Variants in ARHGAP30 observed in about 807,000 individuals in gnomAD.
ARHGAP30 encodes Rho GTPase activating protein 30.
ARHGAP30 carries 23 observed loss-of-function variants against 72.0 expected under a neutral mutation model. The ratio of observed to expected loss-of-function variants is 0.32; its 90% CI spans 0.23 to 0.45. The LOEUF is 0.45. Ranked by LOEUF, ARHGAP30 falls within the 20% of genes least tolerant of loss-of-function variation. ARHGAP30 has a pLI of 1.00. For synonymous variants in ARHGAP30, 576 were observed against 528.2 expected (o/e 1.09, Z -1.24); for missense variants, 1,319 against 1,383.4 (o/e 0.95, Z 0.74).
At chr1:161,068,387 C>T (rs1259294179) in intron 1 of ARHGAP30, among the ~76,000 whole-genome samples, 2 of 152,060 alleles carry the variant, frequency 1.3e-5, no homozygotes, top group African/African-American at 4.8e-5. Context: ...TAACCAAGGG[C>T]AATGGGGATA....
chr1:161,052,236 T>G, intron 9 of ARHGAP30, 50 bp downstream of exon 9: 1 of 1,599,656 alleles, frequency 6.3e-7, no homozygotes, highest in Non-Finnish European at 8.6e-7. Flanking sequence ...AAGCCCACGC[T>G]GGTCACATAG....
In ARHGAP30 at chr1:161,059,707, A is replaced by G; in HGVS notation, c.107T>C (p.Val36Ala). The part of the protein sequence containing the change: ...LQHSGQEVPQ[V>A]LKSCAEFVEE... ...CACAAATTCTGCACAGCTCTTTAGC[A>G]CCTGGGGCACTGGGGACACAGACGG... is the stretch of plus-strand genomic sequence containing the variant. Residue 36 changes from valine to alanine, a missense_variant, in exon 2 of 12, where the codon GTG (valine) becomes GCG (alanine). By Grantham distance (64) the Val-to-Ala change is moderately conservative. Transcript: ENST00000368013. The G allele has an allele frequency of 6.2e-7, 1 of 1,612,808 alleles. No individual in the cohort carries two copies. Among genetic ancestry groups the G allele is most frequent in the South Asian group, 1.1e-5 (1 of 90,988 alleles).
rs1557915363 is a variant in ARHGAP30, at chr1:161,048,845, C to G, written c.2176G>C (p.Ala726Pro). ...KEEKSKGQKKADSMEAKGVEE... is the reference protein window; with the variant it reads ...KEEKSKGQKKPDSMEAKGVEE... ...ACACCTTTAGCCTCCATACTGTCAG[C>G]CTTCTTCTGACCTTTGGACTTCTCT... The change falls in exon 12 of 12, where the codon GCT becomes CCT. Residue 726 changes from alanine (A) to proline (P), a missense_variant. Physicochemically the swap from Ala to Pro is conservative, Grantham distance 27. Transcript: ENST00000368013. 6.2e-7 allele frequency: 1 copy of G among 1,614,024 alleles called. No homozygotes were observed. The highest frequency in any genetic ancestry group is 1.3e-5 in the African/African-American group (1 of 74,896).
Position 161,047,722 on chromosome 1 carries a change from C to G in ARHGAP30, c.3299G>C (p.Gly1100Ala), listed in dbSNP as rs566736875. 4.6e-6 allele frequency: 7 copies of G among 1,521,356 alleles called. No individual in the cohort carries two copies. In the South Asian group the frequency reaches 9.3e-5, roughly 20 times the overall value. The allele number at this position is 1,521,356 out of a possible 1,614,324, so 94.2% of individuals were successfully genotyped here. Residue 1100 changes from glycine to alanine, a missense_variant, in exon 12 of 12, where the codon GGA (glycine) becomes GCA (alanine). Physicochemically the swap from Gly to Ala is moderately conservative, Grantham distance 60 (BLOSUM62 0). Around this residue, in one of 2 missense-constraint regions of ARHGAP30, gnomAD observed 1,097 missense variants for 1,045.2 expected, o/e 1.05. Coordinates refer to ENST00000368013, the MANE Select transcript of ARHGAP30 (RefSeq NM_001025598.2). ...ETQANPGKGE[G>A]L ...CCAGGGCTGTGGTCCTAATCACAGT[C>G]CTTCACCTTTCCCAGGGTTAGCCTG...
rs1355686074 is a variant in ARHGAP30 at position 161,058,883 on chromosome 1, T to A, written c.200+731A>T. ...CTCAAAAAAAAAAAAAAGAAAGAAA[T>A]GTCCTGGAATTAGATAGTGATGATT... On this transcript the variant is annotated intron_variant, in intron 2 of 11. Coordinates refer to ENST00000368013, the MANE Select transcript of ARHGAP30 (RefSeq NM_001025598.2). Among the ~76,000 whole-genome samples, 12 of 139,346 alleles carry A rather than the reference T, an allele frequency of 8.6e-5. 1 individual carries two copies. Among genetic ancestry groups the A allele is most frequent in the East Asian group, 4.2e-4 (2 of 4,744 alleles). 91.4% of individuals were successfully genotyped at this position (139,346 alleles called of 152,430 possible). A position where few individuals can be genotyped will look rare whatever the true frequency, so the allele number is the denominator to read the frequency against.
intron 1 of ARHGAP30, chr1:161,060,252 A>G (rs1381164991): frequency 6.8e-6 from 3 of 442,248 alleles, no homozygotes; most frequent in Non-Finnish European, 1.3e-5. Flanking sequence ...GCTGGGTAAC[A>G]GAGTGAGACC....
At chr1:161,059,907 G>A (rs1272052404) in intron 1 of ARHGAP30, among the ~76,000 whole-genome samples, 191 bp from the exon 2 acceptor site, 1 of 152,084 alleles carries the variant, frequency 6.6e-6, no homozygotes, top group Non-Finnish European at 1.5e-5. Flanking sequence ...CTGCTTAGTG[G>A]GTCCTAAAGG....
At chr1:161,058,496 G>A (rs1652056708) in intron 2 of ARHGAP30, among the ~76,000 whole-genome samples, 1 of 139,714 alleles carries the variant, frequency 7.2e-6, no homozygotes, top group African/African-American at 2.7e-5. Flanking sequence ...GTGTGGTGGT[G>A]CATGCCTGTA....
chr1:161,049,394 C>T (rs373659984), intron 11 of ARHGAP30, 30 bp downstream of exon 11: 113 of 1,597,938 alleles, frequency 7.1e-5, no homozygotes, highest in Admixed American at 1.0e-4. Flanking sequence ...GACTCCATGC[C>T]ACCCCCAAAC....
Position 161,049,607 on chromosome 1 carries a change from C to G in ARHGAP30, c.1503G>C (p.Ser501=). ...AGGAGTCCTGCACCTCCTGGGACAG[C>G]GAGTCCTCCAGGGCAGGAGCCAAGT... ...PDDLAPALED[S]LSQEVQDSFS... is the part of the protein sequence containing the mutation. The change falls in exon 11 of 12, where the codon TCG becomes TCC. Residue 501 remains serine (S), a synonymous_variant. Transcript: ENST00000368013. 6.2e-7 allele frequency: 1 copy of G among 1,614,092 alleles called. No homozygotes were observed. The highest frequency in any genetic ancestry group is 1.1e-5 in the South Asian group (1 of 91,082).
chr1:161,069,814 A>C lies in ARHGAP30; in HGVS notation c.-190T>G, dbSNP rs1653045154. 1.7e-6 allele frequency: 1 copy of C among 602,470 alleles called. No homozygotes were observed. The highest frequency in any genetic ancestry group is 3.0e-6 in the Non-Finnish European group (1 of 338,604). The allele number at this position is 602,470 out of a possible 1,614,324, so 37.3% of individuals were successfully genotyped here. A position where few individuals can be genotyped will look rare whatever the true frequency, so the allele number is the denominator to read the frequency against. ...TGCCCCTGGGGCCCCGGCCACACGG[A>C]AGTGGCTGTTGAAGAGGAAGCTACC... On this transcript the variant is annotated 5_prime_UTR_variant, in exon 1 of 12. Transcript: ENST00000368013. The surrounding 1 kb of genome is among the most constrained non-coding windows in gnomAD (Gnocchi z 4.9).
Position 161,048,780 on chromosome 1 carries a change from T to G in ARHGAP30, c.2241A>C (p.Glu747Asp), listed in dbSNP as rs1224027741. Residue 747 changes from glutamate (E) to aspartate (D), a missense_variant, in exon 12 of 12, where the codon GAA becomes GAC. Physicochemically the swap from Glu to Asp is conservative, Grantham distance 45 (BLOSUM62 2). Coordinates refer to ENST00000368013, the MANE Select transcript of ARHGAP30 (RefSeq NM_001025598.2). ...CATCCTCTTCTCTCTCAATTTCTTT[T>G]TCCTTCTCATCTGTATACTCATCTC... is the stretch of plus-strand genomic sequence containing the variant. Reference protein sequence around the residue: ...PGGDEYTDEKEKEIEREEDEQ... With the variant: ...PGGDEYTDEKDKEIEREEDEQ... 1 of 1,614,136 alleles carries G rather than the reference T, an allele frequency of 6.2e-7. No individual in the cohort carries two copies. Among genetic ancestry groups the G allele is most frequent in the Non-Finnish European group, 8.5e-7 (1 of 1,180,036 alleles).
At chr1:161,052,839 A>G in intron 6 of ARHGAP30, 42 bp from the exon 7 acceptor site, 1 of 1,595,982 alleles carries the variant, frequency 6.3e-7, no homozygotes, top group Non-Finnish European at 8.5e-7. Context: ...AACAGAGCCA[A>G]GAGAGGGACC....
At chr1:161,051,747 T>C (rs1274715101) in intron 9 of ARHGAP30, 32 bp from the exon 10 acceptor site, 5 of 1,555,194 alleles carry the variant, frequency 3.2e-6, no homozygotes, top group South Asian at 2.4e-5. Flanking sequence ...AGGTAGGCAA[T>C]AGCCTAAACT....
At chr1:161,060,747 G>T (rs1405030265) in intron 1 of ARHGAP30, among the ~76,000 whole-genome samples, 1 of 144,440 alleles carries the variant, frequency 6.9e-6, no homozygotes, top group African/African-American at 2.6e-5. Flanking sequence ...TGTTGCCCAG[G>T]CTGGAGTGCA....
rs373000257 is a variant in ARHGAP30, at chr1:161,054,355, C to A, written c.536+11G>T. The A allele has an allele frequency of 6.2e-7, 1 of 1,611,640 alleles. No individual in the cohort carries two copies. Among genetic ancestry groups the A allele is most frequent in the Non-Finnish European group, 8.5e-7 (1 of 1,178,716 alleles). ...ACAGGATCCCCATACACTGCTCACACAGGCACCTACCTCAGCAGGTTGGGA... is the reference window on the plus strand; with the variant it reads ...ACAGGATCCCCATACACTGCTCACAAAGGCACCTACCTCAGCAGGTTGGGA... On this transcript the variant is annotated intron_variant, in intron 5 of 11. Coordinates refer to ENST00000368013, the MANE Select transcript of ARHGAP30 (RefSeq NM_001025598.2).
chr1:161,060,433 TAAAAACTAC>T (rs1652231563), intron 1 of ARHGAP30, among the ~76,000 whole-genome samples: 1 of 151,676 alleles, frequency 6.6e-6, no homozygotes, highest in African/African-American at 2.4e-5. Context: ...CCATCTCTAC[TAAAAACTAC>T]AAAAACTACC....
At chr1:161,051,170 A>C (rs564400299) in intron 10 of ARHGAP30, 144 bp downstream of exon 10, 4 of 1,374,104 alleles carry the variant, frequency 2.9e-6, no homozygotes, top group South Asian at 3.2e-5. Flanking sequence ...CTAATCCTGA[A>C]TCTAGGGAGG....
rs531577415 is a variant in ARHGAP30, at chr1:161,049,750, A to T, written c.1421-61T>A. On this transcript the variant is annotated intron_variant, in intron 10 of 11. Transcript: ENST00000368013. Reference sequence around the variant, plus strand: ...TCAAGCCCTGACCCTTTTCAGTGTGAGTCCTCCTAGCATTGATATAGCAGG... The same window carrying T: ...TCAAGCCCTGACCCTTTTCAGTGTGTGTCCTCCTAGCATTGATATAGCAGG... 42 of 1,565,088 alleles carry T rather than the reference A, an allele frequency of 2.7e-5. No individual in the cohort carries two copies. The Middle Eastern group carries it at 8.6e-4, about 32-fold the overall frequency.
Sources: gnomAD v4.1 joint callset for allele counts (sites outside exome capture counted in the v4.1 genomes callset) on GRCh38, gnomAD v4.1.1 for gene constraint, gnomAD v4.1.1 regional missense constraint, Gnocchi (gnomAD v3.1) non-coding constraint, MANE v1.5 for transcripts, NCBI Gene and HGNC (gene_info 2026-07-23, HGNC 2026-07-21) for gene names.